The following SLC12A2 variants were observed in gnomAD, a reference collection of about 807,000 sequenced individuals.
SLC12A2 encodes solute carrier family 12 member 2, also known as Na-K-2Cl cotransporter 1.
In SLC12A2, 67 loss-of-function variants were observed where a neutral mutation model predicts 136.3. The ratio of observed to expected loss-of-function variants is 0.49; its 90% CI spans 0.40 to 0.60. SLC12A2 has a LOEUF of 0.60. Ranked by LOEUF, SLC12A2 falls within the 20% of genes least tolerant of loss-of-function variation. SLC12A2 has a pLI of 0.00. For missense variants in SLC12A2, 1,322 were observed against 1,534.7 expected, an observed-to-expected ratio of 0.86 and a Z score of 2.32; for synonymous variants, 619 against 562.9, an observed-to-expected ratio of 1.10 and a Z score of -1.41.
chr5:128,155,993 T>C (rs940068621), intron 15 of SLC12A2, among the ~76,000 whole-genome samples: 3 of 152,190 alleles, frequency 2.0e-5, no homozygotes, highest in Non-Finnish European at 2.9e-5. Flanking sequence ...TAGCTGTTGC[T>C]GGTGACTCCC....
At position 128,186,680 on chromosome 5, in the gene SLC12A2, T is replaced by G. The variant is rs1020685648; in HGVS notation, c.*49T>G. 5 of 1,554,220 alleles carry G rather than the reference T, an allele frequency of 3.2e-6. No homozygotes were observed. The highest frequency in any genetic ancestry group is 1.2e-5 in the South Asian group (1 of 86,518). On this transcript the variant is annotated 3_prime_UTR_variant, in exon 27 of 27. Coordinates refer to ENST00000262461, the MANE Select transcript of SLC12A2 (RefSeq NM_001046.3). ...TCCAGAATGGTACTTCAGTGCCTAG[T>G]GTAGTAACTGAAATCTTCAATGACA...
chr5:128,108,746 T>G (rs7714582), intron 1 of SLC12A2, among the ~76,000 whole-genome samples: 2,086 of 152,330 alleles, frequency 0.014, 50 homozygotes, highest in African/African-American at 0.048. Flanking sequence ...CGAAAAATCA[T>G]TAACTTGTAC....
chr5:128,116,667 C>G (rs1219059551), intron 4 of SLC12A2, among the ~76,000 whole-genome samples: 1 of 151,904 alleles, frequency 6.6e-6, no homozygotes, highest in Non-Finnish European at 1.5e-5. Context: ...ATAATGAAAC[C>G]CATAGAAGAT....
At chr5:128,114,062 TAAAGA>T in intron 2 of SLC12A2, 145 bp from the exon 3 acceptor site, 2 of 612,452 alleles carry the variant, frequency 3.3e-6, no homozygotes, top group South Asian at 2.2e-5. Flanking sequence ...TAAAAACTGT[TAAAGA>T]AAAGGGTGGG....
intron 4 of SLC12A2, among the ~76,000 whole-genome samples, chr5:128,121,330 C>G (rs1007942505): frequency 6.6e-6 from 1 of 151,650 alleles, no homozygotes; most frequent in East Asian, 1.9e-4. Context: ...TTTTTATTAC[C>G]GTTTTTTTTT....
chr5:128,154,394 G>A (rs1193262160), intron 15 of SLC12A2, among the ~76,000 whole-genome samples: 1 of 151,304 alleles, frequency 6.6e-6, no homozygotes, highest in African/African-American at 2.4e-5. Context: ...GCTAGCCTGG[G>A]CAACAGCGAG....
In SLC12A2 at chr5:128,110,072, TA is replaced by T. The variant is rs1378345460; in HGVS notation, c.757-2740del. 3.1e-6 allele frequency: 3 copies of T among 962,784 alleles called. No homozygotes were observed. The African/African-American group carries it at 4.6e-5, about 15-fold the overall frequency. The allele number at this position is 962,784 out of a possible 1,614,324, so 59.6% of individuals were successfully genotyped here. A position where few individuals can be genotyped will look rare whatever the true frequency, so the allele number is the denominator to read the frequency against. Reference sequence around the variant, plus strand: ...GCCTGTGTCACTACACCTTAAAAGATAACAAAGTTTATATCAAGTCTCATGG... The same window carrying T: ...GCCTGTGTCACTACACCTTAAAAGATACAAAGTTTATATCAAGTCTCATGG... On this transcript the variant is annotated intron_variant, in intron 1 of 26. Transcript: ENST00000262461.
chr5:128,172,292 A>G (rs558190111), intron 19 of SLC12A2, among the ~76,000 whole-genome samples: 37 of 152,184 alleles, frequency 2.4e-4, no homozygotes, highest in Non-Finnish European at 4.4e-4. Flanking sequence ...GTTTCCCCCA[A>G]TGATAACATC....
Position 128,114,283 on chromosome 5 carries a change from A to C in SLC12A2, c.948A>C (p.Gly316=). 1 of 1,611,262 alleles carries C rather than the reference A, an allele frequency of 6.2e-7. No homozygotes were observed. Among genetic ancestry groups the C allele is most frequent in the African/African-American group, 1.3e-5 (1 of 74,934 alleles). ...TGTCATGGATTGTGGGTCAAGCTGG[A>C]ATAGGTAAGTGAAGTTATATCCTGC... ...IRLSWIVGQA[G]IGLSVLVIMM... Residue 316 remains glycine, a synonymous_variant, in exon 3 of 27, where the codon GGA becomes GGC. Coordinates refer to ENST00000262461, the MANE Select transcript of SLC12A2 (RefSeq NM_001046.3).
intron 4 of SLC12A2, among the ~76,000 whole-genome samples, chr5:128,125,152 A>C (rs1485372902): frequency 6.6e-6 from 1 of 152,244 alleles, no homozygotes; most frequent in Non-Finnish European, 1.5e-5. Context: ...TTAAAACAAT[A>C]ATAAGAGATA....
intron 4 of SLC12A2, among the ~76,000 whole-genome samples, chr5:128,126,989 C>G (rs1581090137): frequency 8.7e-5 from 1 of 11,482 alleles, no homozygotes; most frequent in Non-Finnish European, 1.9e-4. Flanking sequence ...TTTTTTTTTG[C>G]ATCTAAAACA....
intron 18 of SLC12A2, 114 bp downstream of exon 18, chr5:128,167,981 G>A: frequency 5.2e-6 from 3 of 571,622 alleles, no homozygotes; most frequent in African/African-American, 1.9e-5. Context: ...GGAAATATAA[G>A]AACGAAAAGA....
chr5:128,128,440 T>C (rs923820857), intron 4 of SLC12A2, among the ~76,000 whole-genome samples: 11 of 152,244 alleles, frequency 7.2e-5, no homozygotes, highest in African/African-American at 2.6e-4. Flanking sequence ...GGACTTTTTT[T>C]CCATATTGAT....
intron 4 of SLC12A2, 111 bp from the exon 5 acceptor site, chr5:128,130,956 C>T: frequency 2.1e-6 from 2 of 953,260 alleles, no homozygotes; most frequent in Non-Finnish European, 3.2e-6. Context: ...TTTAACTGCT[C>T]TGCTTATTGG....
At chr5:128,117,836 A>G (rs527514570) in intron 4 of SLC12A2, among the ~76,000 whole-genome samples, 42 of 152,324 alleles carry the variant, frequency 2.8e-4, no homozygotes, top group African/African-American at 9.6e-4. Flanking sequence ...ACAAAGGACT[A>G]ATAATGCAAA....
intron 20 of SLC12A2, among the ~76,000 whole-genome samples, chr5:128,175,662 C>T (rs1763516830): frequency 1.3e-5 from 2 of 151,850 alleles, no homozygotes; most frequent in Admixed American, 6.6e-5. Context: ...CATACATTAG[C>T]TAATTAATAT....
intron 14 of SLC12A2, among the ~76,000 whole-genome samples, chr5:128,151,740 A>G (rs1452815559): frequency 2.0e-5 from 3 of 152,160 alleles, no homozygotes; most frequent in Non-Finnish European, 4.4e-5. Context: ...ATCCAGTTAC[A>G]GTACTGTAGT....
chr5:128,152,211 A>G (rs1050659945), intron 14 of SLC12A2, among the ~76,000 whole-genome samples: 1 of 152,240 alleles, frequency 6.6e-6, no homozygotes, highest in Non-Finnish European at 1.5e-5. Flanking sequence ...AAAACATTTT[A>G]GAATCAGTTA....
At chr5:128,178,778 C>A in intron 22 of SLC12A2, 89 bp downstream of exon 22, 2 of 1,008,492 alleles carry the variant, frequency 2.0e-6, no homozygotes, top group Non-Finnish European at 2.7e-6. Context: ...ACCTGTGGAC[C>A]CCATTCAAAT....
Sources: allele counts gnomAD v4.1 joint callset (sites outside exome capture counted in the v4.1 genomes callset), GRCh38; gene constraint gnomAD v4.1.1; transcripts MANE v1.5; gene names NCBI Gene and HGNC (gene_info 2026-07-23, HGNC 2026-07-21).